KIAA0319: variants seen among roughly 807,000 people sequenced by gnomAD.
KIAA0319 encodes KIAA0319.
A neutral mutation model predicts 108.4 loss-of-function variants in KIAA0319; 83 were observed. The observed-to-expected ratio is 0.77, with a 90% CI of 0.64 to 0.92. The LOEUF (loss-of-function observed/expected upper bound fraction) is 0.92, where lower values mean the gene tolerates loss of function less well. Among genes scored for constraint, KIAA0319 ranks in the 40% least tolerant of loss-of-function variants. The probability of loss-of-function intolerance (pLI) is 0.00; values close to 1 mark genes in which losing one functional copy is unlikely to be tolerated. For synonymous variants in KIAA0319, 484 were observed against 510.4 expected (o/e 0.95, Z 0.70); for missense variants, 1,195 against 1,322.4 (o/e 0.90, Z 1.49).
At chr6:24,569,251 G>A (rs1013824928) in intron 12 of KIAA0319, among the ~76,000 whole-genome samples, 1 of 152,106 alleles carries the variant, frequency 6.6e-6, no homozygotes, top group Non-Finnish European at 1.5e-5. Flanking sequence ...AATAAAATTA[G>A]GTGAAATCCT....
rs1275332175 is a variant in KIAA0319, at chr6:24,546,883, TTAATA to T, written c.*277_*281del. ...TACAGATAGAAATCGTTGTTCATCT[TTAATA>T]TGAGATTGTGCCAGCTACAAAAACT... On this transcript the variant is annotated 3_prime_UTR_variant, in exon 21 of 21. Coordinates refer to ENST00000378214, the MANE Select transcript of KIAA0319 (RefSeq NM_014809.4). The T allele has an allele frequency of 3.4e-6, 1 of 294,702 alleles. No homozygotes were observed. Among genetic ancestry groups the T allele is most frequent in the Non-Finnish European group, 6.4e-6 (1 of 155,570 alleles). 18.3% of individuals were successfully genotyped at this position (294,702 alleles called of 1,614,324 possible).
chr6:24,630,728 C>G (rs1775478573), intron 1 of KIAA0319, among the ~76,000 whole-genome samples: 1 of 147,700 alleles, frequency 6.8e-6, no homozygotes. Flanking sequence ...AACTTTAGTA[C>G]AGCTATCATC....
rs1766951973 is a variant in KIAA0319 at position 24,583,535 on chromosome 6, G to A, written c.1093+69C>T. 16 of 1,003,680 alleles carry A rather than the reference G, an allele frequency of 1.6e-5. 1 individual carries two copies. The highest frequency in any genetic ancestry group is 2.3e-5 in the Non-Finnish European group (15 of 643,212). The allele number at this position is 1,003,680 out of a possible 1,614,324, so 62.2% of individuals were successfully genotyped here. On this transcript the variant is annotated intron_variant, in intron 5 of 20. Coordinates refer to ENST00000378214, the MANE Select transcript of KIAA0319 (RefSeq NM_014809.4). ...TGAAAAAGAATCGGCGTTGTAAATA[G>A]CCTGTAAGGACCTGCTGAAGAAAAA...
At chr6:24,627,111 A>G in intron 1 of KIAA0319, among the ~76,000 whole-genome samples, 1 of 152,194 alleles carries the variant, frequency 6.6e-6, no homozygotes, top group East Asian at 1.9e-4. Flanking sequence ...CTACTTTTCT[A>G]TATTTTCCAA....
At position 24,618,713 on chromosome 6, in the gene KIAA0319, G is replaced by A. The variant is rs144345875; in HGVS notation, c.-105-17505C>T. Among the ~76,000 whole-genome samples, 7 of 151,552 alleles carry A rather than the reference G, an allele frequency of 4.6e-5. No individual in the cohort carries two copies. In the East Asian group the frequency reaches 1.4e-3, roughly 29 times the overall value. ...ACAGAAAAGAAAGACAAGAGTATTA[G>A]GTCCCAAAGATTTCAGATAATGGAA... is the stretch of plus-strand genomic sequence containing the variant. On this transcript the variant is annotated intron_variant, in intron 1 of 20. Transcript: ENST00000378214.
At chr6:24,555,772 T>C (rs1241531235) in intron 18 of KIAA0319, among the ~76,000 whole-genome samples, 2 of 152,180 alleles carry the variant, frequency 1.3e-5, no homozygotes, top group Non-Finnish European at 2.9e-5. Flanking sequence ...TGCCTGCCTG[T>C]GTGAACAGCT....
intron 1 of KIAA0319, among the ~76,000 whole-genome samples, chr6:24,639,982 CAG>C (rs1776712328): frequency 6.6e-6 from 1 of 151,384 alleles, no homozygotes; most frequent in South Asian, 2.1e-4. Context: ...TGAAAGATGA[CAG>C]AGAGGGAAAC....
At chr6:24,598,801 A>T in intron 2 of KIAA0319, 1 of 258,586 alleles carries the variant, frequency 3.9e-6, no homozygotes, top group South Asian at 4.8e-5. Flanking sequence ...CCTTGAACCC[A>T]GGAGGCAGAG....
At position 24,582,239 on chromosome 6, in the gene KIAA0319, A is replaced by C; in HGVS notation, c.1191+10T>G. 6.8e-7 allele frequency: 1 copy of C among 1,479,350 alleles called. No homozygotes were observed. Among genetic ancestry groups the C allele is most frequent in the South Asian group, 1.1e-5 (1 of 88,282 alleles). The allele number at this position is 1,479,350 out of a possible 1,614,324, so 91.6% of individuals were successfully genotyped here. On this transcript the variant is annotated intron_variant, in intron 6 of 20. Transcript: ENST00000378214. ...GTGCTGTTAGACACAACCAGTCTCC[A>C]GTTACTTACTTGAGAGAGGTTAAGA...
intron 19 of KIAA0319, 96 bp from the exon 20 acceptor site, chr6:24,551,621 G>T (rs1368371884): frequency 4.7e-6 from 4 of 854,856 alleles, no homozygotes; most frequent in Non-Finnish European, 7.6e-6. Flanking sequence ...GAAACATTTT[G>T]CCTTTATGAT....
rs761157102 is a variant in KIAA0319, at chr6:24,582,229, A to G, written c.1191+20T>C. 2 of 1,367,278 alleles carry G rather than the reference A, an allele frequency of 1.5e-6. No homozygotes were observed. The highest frequency in any genetic ancestry group is 2.9e-5 in the African/African-American group (2 of 69,980). 84.7% of individuals were successfully genotyped at this position (1,367,278 alleles called of 1,614,324 possible). On this transcript the variant is annotated intron_variant, in intron 6 of 20. Transcript: ENST00000378214. Reference sequence around the variant, plus strand: ...CCGTTACGCTGTGCTGTTAGACACAACCAGTCTCCAGTTACTTACTTGAGA... The same window carrying G: ...CCGTTACGCTGTGCTGTTAGACACAGCCAGTCTCCAGTTACTTACTTGAGA...
chr6:24,611,327 T>C (rs1772286363), intron 1 of KIAA0319, among the ~76,000 whole-genome samples: 2 of 152,000 alleles, frequency 1.3e-5, no homozygotes, highest in Non-Finnish European at 2.9e-5. Context: ...GCTGAAACCC[T>C]GTCTGTACTA....
chr6:24,614,414 CCCT>C (rs1348043206), intron 1 of KIAA0319, among the ~76,000 whole-genome samples: 1 of 152,154 alleles, frequency 6.6e-6, no homozygotes, highest in Non-Finnish European at 1.5e-5. Flanking sequence ...GGTCATTGTT[CCCT>C]CCTCTAGACA....
chr6:24,551,154 T>A, intron 20 of KIAA0319, among the ~76,000 whole-genome samples: 1 of 151,548 alleles, frequency 6.6e-6, no homozygotes, highest in Non-Finnish European at 1.5e-5. Context: ...AATTTTTTTT[T>A]TTTTTGTATT....
At chr6:24,586,059 A>C (rs1767436859) in intron 4 of KIAA0319, among the ~76,000 whole-genome samples, 1 of 152,176 alleles carries the variant, frequency 6.6e-6, no homozygotes, top group Admixed American at 6.5e-5. Flanking sequence ...ACTGCACTCC[A>C]GCCTGGCCAC....
At position 24,620,323 on chromosome 6, in the gene KIAA0319, C is replaced by T. The variant is rs942466430; in HGVS notation, c.-105-19115G>A. On this transcript the variant is annotated intron_variant, in intron 1 of 20. Transcript: ENST00000378214. Reference sequence around the variant, plus strand: ...CTAGTTGTGTTTTTGTTTTTTGAGACGGAGTCTCACTCTGTCGCCCAGGCT... The same window carrying T: ...CTAGTTGTGTTTTTGTTTTTTGAGATGGAGTCTCACTCTGTCGCCCAGGCT... 6.6e-5 allele frequency among the ~76,000 whole-genome samples: 10 copies of T among 152,086 alleles called. No individual in the cohort carries two copies. In the South Asian group the frequency reaches 8.3e-4, roughly 13 times the overall value.
intron 16 of KIAA0319, among the ~76,000 whole-genome samples, chr6:24,560,241 T>C (rs1321990327): frequency 6.6e-6 from 1 of 152,242 alleles, no homozygotes. Flanking sequence ...TAATGGGTTA[T>C]ATGGTAGCTG....
intron 1 of KIAA0319, among the ~76,000 whole-genome samples, chr6:24,621,904 G>A (rs1308646622): frequency 6.6e-6 from 1 of 152,184 alleles, no homozygotes. Context: ...AATCGTTGGG[G>A]TGATCACCAA....
intron 1 of KIAA0319, among the ~76,000 whole-genome samples, chr6:24,622,583 A>G (rs1053308015): frequency 4.6e-5 from 7 of 152,322 alleles, no homozygotes; most frequent in African/African-American, 1.7e-4. Context: ...AACAAGTGGA[A>G]TAACTGTTGA....
Sources: allele counts gnomAD v4.1 joint callset (sites outside exome capture counted in the v4.1 genomes callset), GRCh38; gene constraint gnomAD v4.1.1; transcripts MANE v1.5; gene names NCBI Gene and HGNC (gene_info 2026-07-23, HGNC 2026-07-21).